NBPF20: variants seen among roughly 807,000 people sequenced by gnomAD.
NBPF20 encodes NBPF family member NBPF20.
NBPF20 carries 90 observed loss-of-function variants against 68.1 expected under a neutral mutation model. The ratio of observed to expected loss-of-function variants is 1.32; its 90% CI spans 1.11 to 1.58. NBPF20 has a LOEUF of 1.58. NBPF20 is among the 40% of genes most tolerant of loss of function. The pLI is 0.00. For missense variants in NBPF20, 816 were observed against 601.2 expected (o/e 1.36, Z -3.74); for synonymous variants, 290 against 228.1 (o/e 1.27, Z -2.45).
chr1:145,404,383 C>T (rs1254979085), intron 2 of NBPF20, among the ~76,000 whole-genome samples: 11 of 152,072 alleles, frequency 7.2e-5, no homozygotes, highest in African/African-American at 2.2e-4. Flanking sequence ...CTCAGCCACC[C>T]GATTAGTGGT....
chr1:145,400,162 G>A (rs1662450258), intron 6 of NBPF20, among the ~76,000 whole-genome samples: 1 of 152,164 alleles, frequency 6.6e-6, no homozygotes, highest in Non-Finnish European at 1.5e-5. Flanking sequence ...CTGCACTCAG[G>A]TGACTATGAG....
In NBPF20 at chr1:145,393,599, T is replaced by G. The variant is rs1210129379; in HGVS notation, c.1043+285A>C. 98 of 660,872 alleles carry G rather than the reference T, an allele frequency of 1.5e-4. 1 individual carries two copies. The highest frequency in any genetic ancestry group is 1.2e-3 in the Middle Eastern group (3 of 2,412). 40.9% of individuals were successfully genotyped at this position (660,872 alleles called of 1,614,324 possible). ...GTGAACAGTGATCATGAAAAGCATG[T>G]CCTCAATAATTTTGCATAAAATGTG... On this transcript the variant is annotated intron_variant, in intron 9 of 137. Coordinates refer to ENST00000369373, the Ensembl canonical transcript of NBPF20.
At chr1:145,425,341 C>G in the NBPF20 span, among the ~76,000 whole-genome samples, 1 of 151,760 alleles carries the variant, frequency 6.6e-6, no homozygotes, top group Non-Finnish European at 1.5e-5. Flanking sequence ...CGGCCTGGCG[C>G]GGCGCCTTCA....
chr1:145,399,752 G>A lies in NBPF20; in HGVS notation c.775+634C>T, dbSNP rs1308219915. ...AGATGGTGCCACTGCACTCCAGCCT[G>A]GGTGACAGAGCAAGACTCCATCACA... On this transcript the variant is annotated intron_variant, in intron 6 of 137. Transcript: ENST00000369373. Among the ~76,000 whole-genome samples the A allele has an allele frequency of 4.6e-5, 6 of 130,666 alleles. 1 individual carries two copies. Among genetic ancestry groups the A allele is most frequent in the East Asian group, 2.2e-4 (1 of 4,534 alleles). The allele number at this position is 130,666 out of a possible 152,430, so 85.7% of individuals were successfully genotyped here. A position where few individuals can be genotyped will look rare whatever the true frequency, so the allele number is the denominator to read the frequency against.
At chr1:145,394,353 CTT>C (rs1662108981) in intron 8 of NBPF20, among the ~76,000 whole-genome samples, 1 of 151,706 alleles carries the variant, frequency 6.6e-6, no homozygotes, top group African/African-American at 2.4e-5. Flanking sequence ...TGTACCAGCT[CTT>C]GAGTCAAAAT....
At position 145,393,785 on chromosome 1, in the gene NBPF20, C is replaced by A. The variant is rs1213483409; in HGVS notation, c.1043+99G>T. The A allele has an allele frequency of 3.8e-5, 53 of 1,398,008 alleles. No individual in the cohort carries two copies. In the Admixed American group the frequency reaches 8.2e-4, roughly 22 times the overall value. 86.6% of individuals were successfully genotyped at this position (1,398,008 alleles called of 1,614,324 possible). ...GTAGGCATAATTCAGACTTGTCTGA[C>A]AAGACAAAATCATTATTTTCAGCAT... On this transcript the variant is annotated intron_variant, in intron 9 of 137. Transcript: ENST00000369373.
rs1662466553 is a variant in NBPF20 at position 145,400,438 on chromosome 1, A to T, written c.723T>A (p.Ile241=). The change falls in exon 6 of 138, where the codon ATT becomes ATA. Residue 241 remains isoleucine, a synonymous_variant. Transcript: ENST00000369373. The stretch of plus-strand genomic sequence containing the variant: ...CCCATTCAACATGAGAGGATGAGCC[A>T]ATCAGAGTTGAGTCGACTTTGTCTT... 1.9e-6 allele frequency: 3 copies of T among 1,613,074 alleles called. No individual in the cohort carries two copies. In the African/African-American group the frequency reaches 4.0e-5, roughly 22 times the overall value.
intron 5 of NBPF20, 121 bp downstream of exon 10, chr1:145,400,938 C>T: frequency 8.1e-7 from 1 of 1,227,926 alleles, no homozygotes. Context: ...GGTTATATTT[C>T]ACATACTGTG....
upstream of NBPF20, chr1:145,408,111 G>C (rs1443415381): frequency 4.7e-6 from 1 of 210,614 alleles, no homozygotes. Context: ...AGGTATCCAT[G>C]GCAATTTCAT....
In NBPF20 at chr1:145,292,490, C is replaced by A. The variant is rs1321490475; in HGVS notation, c.16589-1G>T. 4.2e-6 allele frequency: 3 copies of A among 709,950 alleles called. No individual in the cohort carries two copies. The East Asian group carries it at 7.4e-5, about 18-fold the overall frequency. The allele number at this position is 709,950 out of a possible 1,614,324, so 44.0% of individuals were successfully genotyped here. On this transcript the variant is annotated splice_acceptor_variant, in intron 136 of 137. Coordinates refer to ENST00000369373, the Ensembl canonical transcript of NBPF20. LOFTEE classifies it high-confidence loss of function. ...TTCCCCTTCCCCTTCTTTTCAATTT[C>A]TGCAATAAATTCAGACATGGACAGA...
chr1:145,402,510 G>A, intron 3 of NBPF20, 129 bp from the exon 9 acceptor site: 4 of 873,762 alleles, frequency 4.6e-6, no homozygotes, highest in Non-Finnish European at 7.8e-6. Context: ...CATGTTTAAA[G>A]GAATGTCTGT....
chr1:145,400,990 G>T, intron 5 of NBPF20, 69 bp downstream of exon 10: 1 of 1,530,838 alleles, frequency 6.5e-7, no homozygotes, highest in South Asian at 1.1e-5. Context: ...AGATGCCAGA[G>T]AGGGTGTGCC....
chr1:145,406,168 C>A (rs1389606532), upstream of NBPF20, among the ~76,000 whole-genome samples: 5 of 150,318 alleles, frequency 3.3e-5, no homozygotes, highest in Admixed American at 2.0e-4. Flanking sequence ...ATCTCCTGAC[C>A]TCGTGATCTG....
the NBPF20 span, among the ~76,000 whole-genome samples, chr1:145,421,291 G>A: frequency 2.0e-5 from 3 of 152,140 alleles, no homozygotes; most frequent in Non-Finnish European, 2.9e-5. Flanking sequence ...ATCTGTACAC[G>A]TATATTCTAC....
chr1:145,398,535 C>A (rs1553664499), intron 7 of NBPF20, among the ~76,000 whole-genome samples: 4 of 152,084 alleles, frequency 2.6e-5, no homozygotes, highest in East Asian at 3.9e-4. Flanking sequence ...CCAATGAGAA[C>A]AAAGACACAA....
chr1:145,314,311 T>G (rs1661519630), intron 109 of NBPF20, among the ~76,000 whole-genome samples: 1 of 108,310 alleles, frequency 9.2e-6, no homozygotes, highest in African/African-American at 4.3e-5. Context: ...GACACACTGA[T>G]GAGGGAGTAA....
intron 8 of NBPF20, among the ~76,000 whole-genome samples, chr1:145,394,689 G>A (rs1333978178): frequency 6.6e-6 from 1 of 151,942 alleles, no homozygotes; most frequent in African/African-American, 2.4e-5. Context: ...GGCATGTGCT[G>A]CATAGTTTGG....
chr1:145,423,387 C>G, the NBPF20 span, among the ~76,000 whole-genome samples: 1 of 148,286 alleles, frequency 6.7e-6, no homozygotes, highest in Admixed American at 6.7e-5. Context: ...TTGCGGTCAG[C>G]TGTGATTGTG....
chr1:145,406,085 A>ATT (rs587699811), upstream of NBPF20, among the ~76,000 whole-genome samples: 421 of 117,636 alleles, frequency 3.6e-3, 1 homozygote, highest in African/African-American at 7.4e-3. Context: ...CGCCCGGCTA[A>ATT]TTTTTTTTTT....
Sources: allele counts gnomAD v4.1 joint callset (sites outside exome capture counted in the v4.1 genomes callset), GRCh38; gene constraint gnomAD v4.1.1; transcripts MANE v1.5; gene names NCBI Gene and HGNC (gene_info 2026-07-23, HGNC 2026-07-21).